NPEPPS: variants seen among roughly 807,000 people sequenced by gnomAD.
NPEPPS encodes aminopeptidase puromycin sensitive, also known as puromycin-sensitive aminopeptidase.
A neutral mutation model predicts 115.5 loss-of-function variants in NPEPPS; 14 were observed. The ratio of observed to expected loss-of-function variants is 0.12; its 90% CI spans 0.08 to 0.19. The LOEUF (loss-of-function observed/expected upper bound fraction) is 0.19, where lower values mean the gene tolerates loss of function less well. NPEPPS is among the 10% of genes least tolerant of loss of function. The probability of loss-of-function intolerance (pLI) is 1.00; values close to 1 mark genes in which losing one functional copy is unlikely to be tolerated. For missense variants in NPEPPS, 523 were observed against 1,110.8 expected, an observed-to-expected ratio of 0.47 and a Z score of 7.52; for synonymous variants, 285 against 390.6, an observed-to-expected ratio of 0.73 and a Z score of 3.19.
At chr17:47,596,770 G>A (rs1026398441) in intron 13 of NPEPPS, among the ~76,000 whole-genome samples, 5 of 152,162 alleles carry the variant, frequency 3.3e-5, no homozygotes, top group South Asian at 2.1e-4. Flanking sequence ...AAATTAGGCC[G>A]GGCGTGGTGG....
At position 47,560,935 on chromosome 17, in the gene NPEPPS, G is replaced by A. The variant is rs575795460; in HGVS notation, c.341-8482G>A. 1.1e-4 allele frequency among the ~76,000 whole-genome samples: 17 copies of A among 152,246 alleles called. No individual in the cohort carries two copies. The South Asian group carries it at 2.3e-3, about 20-fold the overall frequency. ...ACTTGTTTAAGTATAGCAGTGGCTT[G>A]GAGGAAAATACATTCTGAGTTTCAA... On this transcript the variant is annotated intron_variant, in intron 2 of 22. Coordinates refer to ENST00000322157, the MANE Select transcript of NPEPPS (RefSeq NM_006310.4).
At chr17:47,613,917 CAA>C (rs1914031440) in intron 19 of NPEPPS, among the ~76,000 whole-genome samples, 192 bp downstream of exon 19, 3 of 151,928 alleles carry the variant, frequency 2.0e-5, no homozygotes, top group African/African-American at 7.2e-5. Flanking sequence ...AGTATGATGC[CAA>C]AGACATCTTA....
At position 47,605,347 on chromosome 17, in the gene NPEPPS, C is replaced by G. The variant is rs761805395; in HGVS notation, c.1890C>G (p.Ile630Met). Residue 630 changes from isoleucine (I) to methionine (M), a missense_variant, in exon 17 of 23, where the codon ATC (isoleucine) becomes ATG (methionine). Ile to Met is a conservative substitution (Grantham distance 10). Around this residue, in one of 4 missense-constraint regions of NPEPPS, gnomAD observed 372 missense variants for 542.6 expected, o/e 0.69. Coordinates refer to ENST00000322157, the MANE Select transcript of NPEPPS (RefSeq NM_006310.4). ...NDLFSLARAG[I>M]ISTVEVLKVM... ...TCCTATCCCAGGCTCGAGCTGGAAT[C>G]ATTAGCACTGTAGAGGTTCTAAAAG... The G allele has an allele frequency of 4.4e-6, 7 of 1,607,622 alleles. No individual in the cohort carries two copies. The East Asian group carries it at 1.6e-4, about 36-fold the overall frequency.
intron 12 of NPEPPS, among the ~76,000 whole-genome samples, chr17:47,593,068 T>C (rs1247331777): frequency 6.6e-6 from 1 of 152,184 alleles, no homozygotes; most frequent in Non-Finnish European, 1.5e-5. Context: ...ATTCCAATTA[T>C]AGATGCTCAG....
chr17:47,617,451 C>G (rs1914280089), intron 19 of NPEPPS, among the ~76,000 whole-genome samples: 1 of 151,736 alleles, frequency 6.6e-6, no homozygotes, highest in Non-Finnish European at 1.5e-5. Flanking sequence ...TCCACCTCAG[C>G]CTTCCAAAGT....
At chr17:47,565,505 C>CAAA (rs1172238090) in intron 2 of NPEPPS, among the ~76,000 whole-genome samples, 14 of 64,478 alleles carry the variant, frequency 2.2e-4, no homozygotes, top group African/African-American at 3.3e-4. Context: ...GACTCCATCT[C>CAAA]AAAAAAAAAA....
intron 1 of NPEPPS, among the ~76,000 whole-genome samples, chr17:47,544,629 G>C (rs1301421413): frequency 2.7e-5 from 4 of 150,562 alleles, no homozygotes; most frequent in Non-Finnish European, 5.9e-5. Flanking sequence ...TGCCTCCCGG[G>C]TTTAAGCAAT....
At chr17:47,556,987 T>C (rs1910088665) in intron 2 of NPEPPS, among the ~76,000 whole-genome samples, 1 of 152,186 alleles carries the variant, frequency 6.6e-6, no homozygotes, top group South Asian at 2.1e-4. Flanking sequence ...GTTTTCTTGC[T>C]TTTTTTCTCA....
intron 5 of NPEPPS, among the ~76,000 whole-genome samples, chr17:47,583,129 T>G (rs942798189): frequency 1.4e-4 from 21 of 151,544 alleles, no homozygotes; most frequent in Non-Finnish European, 2.9e-4. Flanking sequence ...ATTACAGGCA[T>G]GAGCCACCAT....
At chr17:47,538,837 C>G (rs571813478) in intron 1 of NPEPPS, among the ~76,000 whole-genome samples, 2 of 152,284 alleles carry the variant, frequency 1.3e-5, no homozygotes, top group South Asian at 4.1e-4. Context: ...CAGCCTGTAT[C>G]TGTTCTTTAA....
upstream of NPEPPS, among the ~76,000 whole-genome samples, chr17:47,529,801 A>G (rs186564653): frequency 1.2e-3 from 138 of 117,528 alleles, no homozygotes; most frequent in African/African-American, 4.0e-3. Context: ...TTTGCAAGGT[A>G]TCTACAGAAC....
chr17:47,583,599 G>A (rs1326905423), intron 5 of NPEPPS, among the ~76,000 whole-genome samples: 4 of 148,964 alleles, frequency 2.7e-5, no homozygotes, highest in Non-Finnish European at 6.0e-5. Flanking sequence ...AAAAAAAAAA[G>A]AAAAAGGTCT....
chr17:47,602,013 CA>C (rs1715279870), intron 15 of NPEPPS: 1 of 358,112 alleles, frequency 2.8e-6, no homozygotes, highest in African/African-American at 2.2e-5. Flanking sequence ...ATATATGAAC[CA>C]AAATATGTGT....
intron 2 of NPEPPS, among the ~76,000 whole-genome samples, chr17:47,556,825 G>A (rs1462279319): frequency 6.6e-6 from 1 of 152,188 alleles, no homozygotes; most frequent in Non-Finnish European, 1.5e-5. Flanking sequence ...TGTATTTTTA[G>A]TAGAGATGGG....
At chr17:47,556,707 G>C (rs1445491907) in intron 2 of NPEPPS, among the ~76,000 whole-genome samples, 2 of 152,144 alleles carry the variant, frequency 1.3e-5, no homozygotes, top group Non-Finnish European at 2.9e-5. Flanking sequence ...GCCGGGTGGG[G>C]GCTGCCCCCC....
At chr17:47,549,203 T>G (rs1909454187) in intron 2 of NPEPPS, among the ~76,000 whole-genome samples, 1 of 150,790 alleles carries the variant, frequency 6.6e-6, no homozygotes, top group Non-Finnish European at 1.5e-5. Flanking sequence ...ATTAGCTGGG[T>G]GTGGTGGCGG....
intron 2 of NPEPPS, among the ~76,000 whole-genome samples, chr17:47,550,020 T>C (rs1254693234): frequency 1.3e-5 from 2 of 150,082 alleles, no homozygotes; most frequent in African/African-American, 2.4e-5. Flanking sequence ...CTGCAAGCTC[T>C]GCCTCCCGGG....
intron 1 of NPEPPS, among the ~76,000 whole-genome samples, chr17:47,532,448 T>A (rs2143653172): frequency 6.6e-6 from 1 of 151,682 alleles, no homozygotes; most frequent in Non-Finnish European, 1.5e-5. Context: ...AGGTCAGGAG[T>A]TCGGGACCAG....
chr17:47,543,891 G>GTTTGTTTGTTTGTTTATTTATTTATTTA (rs1555603402), intron 1 of NPEPPS, among the ~76,000 whole-genome samples: 1 of 141,058 alleles, frequency 7.1e-6, no homozygotes, highest in South Asian at 2.2e-4. Context: ...TTGTTTGTTT[G>GTTTGTTTGTTTGTTTATTTATTTATTTA]TTTATTTATT....
Sources: gnomAD v4.1 joint callset for allele counts (sites outside exome capture counted in the v4.1 genomes callset) on GRCh38, gnomAD v4.1.1 for gene constraint, gnomAD v4.1.1 regional missense constraint, MANE v1.5 for transcripts, NCBI Gene and HGNC (gene_info 2026-07-23, HGNC 2026-07-21) for gene names.